Variants in NBPF26 observed in about 807,000 individuals in gnomAD.
NBPF26 encodes the protein NBPF member 26.
Under a neutral mutation model 119.6 loss-of-function variants are expected in NBPF26, and 79 were observed. The observed-to-expected ratio is 0.66, with a 90% CI of 0.55 to 0.80. The LOEUF is 0.80. Ranked by LOEUF, NBPF26 falls within the 30% of genes least tolerant of loss-of-function variation. NBPF26 has a pLI of 0.00. For synonymous variants in NBPF26, 299 were observed against 457.7 expected (o/e 0.65, Z 4.43); for missense variants, 800 against 1,198.2 (o/e 0.67, Z 4.91).
intron 2 of NBPF26, among the ~76,000 whole-genome samples, chr1:120,781,709 GCC>G (rs1651363406): frequency 1.2e-5 from 1 of 82,822 alleles, no homozygotes; most frequent in Non-Finnish European, 2.2e-5. Flanking sequence ...GACTACAGGC[GCC>G]TGCCACCACG....
In NBPF26 at chr1:120,765,895, C is replaced by T. The variant is rs1440455179; in HGVS notation, c.155+2186C>T. ...TAACACAGGAACAGAAAACCAAACACGGCATGTTCTCACTCATAAGTGGGA... is the reference window on the plus strand; with the variant it reads ...TAACACAGGAACAGAAAACCAAACATGGCATGTTCTCACTCATAAGTGGGA... On this transcript the variant is annotated intron_variant, in intron 2 of 29. Transcript: ENST00000620612. 6.5e-4 allele frequency among the ~76,000 whole-genome samples: 70 copies of T among 107,248 alleles called. 3 individuals carry two copies. Among genetic ancestry groups the T allele is most frequent in the Non-Finnish European group, 8.9e-4 (50 of 56,144 alleles). The allele number at this position is 107,248 out of a possible 152,430, so 70.4% of individuals were successfully genotyped here. A position where few individuals can be genotyped will look rare whatever the true frequency, so the allele number is the denominator to read the frequency against.
rs1651347235 is a variant in NBPF26, at chr1:120,780,152, A to G, written c.156-4822A>G. Among the ~76,000 whole-genome samples the G allele has an allele frequency of 6.9e-5, 8 of 115,980 alleles. 1 individual carries two copies. In the South Asian group the frequency reaches 1.6e-3, roughly 23 times the overall value. The allele number at this position is 115,980 out of a possible 152,430, so 76.1% of individuals were successfully genotyped here. On this transcript the variant is annotated intron_variant, in intron 2 of 29. Transcript: ENST00000620612. ...CTTAGTGGGGTTTAGGTACTCAGGT[A>G]TTCAGGGAACCTACACCAAGGGTTC...
In NBPF26 at chr1:120,790,577, T is replaced by G. The variant is rs1170726541; in HGVS notation, c.416-2584T>G. On this transcript the variant is annotated intron_variant, in intron 3 of 29. Coordinates refer to ENST00000620612, the Ensembl canonical transcript of NBPF26. ...CTTTCTTTCTTTCTTTCTTTCTTTC[T>G]TTCTTTCTTTCTTTCTCTTTCTCTC... Among the ~76,000 whole-genome samples the G allele has an allele frequency of 7.1e-4, 76 of 107,326 alleles. 11 individuals carry two copies. Among genetic ancestry groups the G allele is most frequent in the Middle Eastern group, 7.6e-3 (2 of 262 alleles). 70.4% of individuals were successfully genotyped at this position (107,326 alleles called of 152,430 possible).
intron 2 of NBPF26, among the ~76,000 whole-genome samples, chr1:120,779,690 G>T (rs1226737999): frequency 8.1e-6 from 1 of 122,708 alleles, no homozygotes; most frequent in Non-Finnish European, 1.7e-5. Context: ...TTATAGATAT[G>T]TAAGGGGTGT....
chr1:120,840,434 C>A lies in NBPF26; in HGVS notation c.4188C>A (p.Tyr1396Ter). The change falls in exon 30 of 30, where the codon TAC becomes TAA. Residue 1396 changes from tyrosine (Y) to a stop codon, truncating the protein, a stop_gained. Transcript: ENST00000620612. LOFTEE classifies it low-confidence loss of function (END_TRUNC). ...TATGTTATTCGACTCCGTCAATGTA[C>A]TTTGAACTACCTGACTCATTCCAGC... 2.7e-6 allele frequency: 4 copies of A among 1,473,748 alleles called. 1 individual carries two copies. Among genetic ancestry groups the A allele is most frequent in the Non-Finnish European group, 3.7e-6 (4 of 1,089,196 alleles). The allele number at this position is 1,473,748 out of a possible 1,614,324, so 91.3% of individuals were successfully genotyped here. A position where few individuals can be genotyped will look rare whatever the true frequency, so the allele number is the denominator to read the frequency against.
At position 120,815,487 on chromosome 1, in the gene NBPF26, C is replaced by T. The variant is rs1375052950; in HGVS notation, c.2092+444C>T. ...AATTGTCTCTTGCAAGTGTCTGAAG[C>T]ATTCAAATGTGGGAACACTTACAAC... On this transcript the variant is annotated intron_variant, in intron 12 of 29. Coordinates refer to ENST00000620612, the Ensembl canonical transcript of NBPF26. 2.1e-4 allele frequency among the ~76,000 whole-genome samples: 21 copies of T among 99,264 alleles called. 3 individuals are homozygous for T. In the South Asian group the frequency reaches 5.2e-3, roughly 25 times the overall value. 65.1% of individuals were successfully genotyped at this position (99,264 alleles called of 152,430 possible). A position where few individuals can be genotyped will look rare whatever the true frequency, so the allele number is the denominator to read the frequency against.
At chr1:120,779,341 A>G (rs1480673401) in intron 2 of NBPF26, among the ~76,000 whole-genome samples, 1 of 79,546 alleles carries the variant, frequency 1.3e-5, no homozygotes, top group Non-Finnish European at 2.3e-5. Context: ...AAAAAGTCAT[A>G]AATACATCTT....
rs1169379130 is a variant in NBPF26 at position 120,807,836 on chromosome 1, G to A, written c.1064+127G>A. 54 of 531,488 alleles carry A rather than the reference G, an allele frequency of 1.0e-4. 8 individuals are homozygous for A. The Middle Eastern group carries it at 2.9e-3, about 29-fold the overall frequency. The allele number at this position is 531,488 out of a possible 1,614,324, so 32.9% of individuals were successfully genotyped here. ...GGGCAGGAATTGCCATGGCAGGCTC[G>A]CTACACACAAATATTTATCAAACAG... On this transcript the variant is annotated intron_variant, in intron 6 of 29. Transcript: ENST00000620612.
At chr1:120,817,917 G>A (rs1652044482) in intron 14 of NBPF26, among the ~76,000 whole-genome samples, 1 of 115,732 alleles carries the variant, frequency 8.6e-6, no homozygotes, top group East Asian at 2.1e-4. Flanking sequence ...TCTACACATA[G>A]AGGGAGATTT....
intron 6 of NBPF26, among the ~76,000 whole-genome samples, 161 bp from the exon 7 acceptor site, chr1:120,808,384 T>C (rs1487744395): frequency 2.5e-5 from 3 of 118,404 alleles, no homozygotes. Flanking sequence ...TGTAAACCAT[T>C]TTCTATTCTT....
Position 120,802,604 on chromosome 1 carries a change from T to C in NBPF26, c.752-2952T>C, listed in dbSNP as rs1394043977. Among the ~76,000 whole-genome samples, 7 of 119,670 alleles carry C rather than the reference T, an allele frequency of 5.8e-5. 1 individual carries two copies. Among genetic ancestry groups the C allele is most frequent in the African/African-American group, 2.8e-4 (6 of 21,776 alleles). The allele number at this position is 119,670 out of a possible 152,430, so 78.5% of individuals were successfully genotyped here. A position where few individuals can be genotyped will look rare whatever the true frequency, so the allele number is the denominator to read the frequency against. On this transcript the variant is annotated intron_variant, in intron 4 of 29. Transcript: ENST00000620612. ...TGAATATAAATTAAGTTTACCTCTT[T>C]TTGCACAGCAACATGGCCAATCTTT...
chr1:120,802,899 T>A (rs1651598505), intron 4 of NBPF26, among the ~76,000 whole-genome samples: 1 of 87,770 alleles, frequency 1.1e-5, no homozygotes, highest in African/African-American at 7.7e-5. Context: ...AGCTGCTCAC[T>A]CTACAGTGTG....
rs1169320155 is a variant in NBPF26, at chr1:120,822,971, A to G, written c.2588-338A>G. Among the ~76,000 whole-genome samples the G allele has an allele frequency of 2.4e-5, 3 of 126,368 alleles. 1 individual carries two copies. The highest frequency in any genetic ancestry group is 4.9e-5 in the Non-Finnish European group (3 of 61,774). 82.9% of individuals were successfully genotyped at this position (126,368 alleles called of 152,430 possible). On this transcript the variant is annotated intron_variant, in intron 16 of 29. Transcript: ENST00000620612. Reference sequence around the variant, plus strand: ...TATCAAATTCTGGGTATTTAATGAGAAAAGCCTAATATTGAAGTATCTCTC... The same window carrying G: ...TATCAAATTCTGGGTATTTAATGAGGAAAGCCTAATATTGAAGTATCTCTC...
Position 120,767,633 on chromosome 1 carries a change from C to T in NBPF26, c.155+3924C>T, listed in dbSNP as rs1311818263. 1.6e-4 allele frequency among the ~76,000 whole-genome samples: 15 copies of T among 92,042 alleles called. No individual in the cohort carries two copies. The East Asian group carries it at 3.5e-3, about 21-fold the overall frequency. The allele number at this position is 92,042 out of a possible 152,430, so 60.4% of individuals were successfully genotyped here. A position where few individuals can be genotyped will look rare whatever the true frequency, so the allele number is the denominator to read the frequency against. ...AACTACTGTCAAATCTTAATAAAGCCCTCTCACTACAGGGAGATAAGATAT... is the reference window on the plus strand; with the variant it reads ...AACTACTGTCAAATCTTAATAAAGCTCTCTCACTACAGGGAGATAAGATAT... On this transcript the variant is annotated intron_variant, in intron 2 of 29. Coordinates refer to ENST00000620612, the Ensembl canonical transcript of NBPF26.
intron 3 of NBPF26, among the ~76,000 whole-genome samples, 160 bp from the exon 4 acceptor site, chr1:120,792,999 CTG>C (rs1651510083): frequency 1.1e-5 from 1 of 92,264 alleles, no homozygotes; most frequent in African/African-American, 7.7e-5. Context: ...GGAGAGGGCT[CTG>C]TGTCAGATTA....
At position 120,811,961 on chromosome 1, in the gene NBPF26, C is replaced by T. The variant is rs1417808411; in HGVS notation, c.1640C>T (p.Ala547Val). 2.1e-5 allele frequency: 26 copies of T among 1,235,572 alleles called. 6 individuals are homozygous for T. Among genetic ancestry groups the T allele is most frequent in the East Asian group, 9.4e-5 (4 of 42,434 alleles). The allele number at this position is 1,235,572 out of a possible 1,614,324, so 76.5% of individuals were successfully genotyped here. ...GGCCCTTTGTCCGGCGAGAAGGCAG[C>T]GATAAACATTCTAGAAATCAATGAG... Residue 547 changes from alanine (A) to valine (V), a missense_variant, in exon 10 of 30, where the codon GCG (alanine) becomes GTG (valine). By Grantham distance (64) the Ala-to-Val change is moderately conservative (BLOSUM62 0). Transcript: ENST00000620612.
intron 3 of NBPF26, among the ~76,000 whole-genome samples, chr1:120,787,277 A>G: frequency 1.4e-5 from 1 of 69,694 alleles, no homozygotes. Context: ...CTGCAGGCTG[A>G]GGAGCAAGGA....
Position 120,814,852 on chromosome 1 carries a change from C to A in NBPF26, c.1901C>A (p.Ala634Asp), listed in dbSNP as rs1432026115. ...AGGCAATATAAAGTCCTGGTTCACGCTCAGGAACGAGAGCTGACCCAGTTA... is the reference window on the plus strand; with the variant it reads ...AGGCAATATAAAGTCCTGGTTCACGATCAGGAACGAGAGCTGACCCAGTTA... Residue 634 changes from alanine (A) to aspartate (D), a missense_variant, in exon 12 of 30, where the codon GCT becomes GAT. Transcript: ENST00000620612. 2.4e-4 allele frequency: 299 copies of A among 1,260,908 alleles called. 62 individuals carry two copies. In the South Asian group the frequency reaches 3.5e-3, roughly 15 times the overall value. 78.1% of individuals were successfully genotyped at this position (1,260,908 alleles called of 1,614,324 possible). A position where few individuals can be genotyped will look rare whatever the true frequency, so the allele number is the denominator to read the frequency against.
rs1168476687 is a variant in NBPF26, at chr1:120,767,912, T to C, written c.155+4203T>C. 4.1e-3 allele frequency among the ~76,000 whole-genome samples: 483 copies of C among 117,832 alleles called. 113 individuals are homozygous for C. Among genetic ancestry groups the C allele is most frequent in the Non-Finnish European group, 6.0e-3 (366 of 61,238 alleles). 77.3% of individuals were successfully genotyped at this position (117,832 alleles called of 152,430 possible). ...ATTTAAAATCTTTGTCTGCTGGTTC[T>C]TAACAACTGGGTTGTCTATGGATGT... On this transcript the variant is annotated intron_variant, in intron 2 of 29. Transcript: ENST00000620612.
Sources: allele counts gnomAD v4.1 joint callset (sites outside exome capture counted in the v4.1 genomes callset), GRCh38; gene constraint gnomAD v4.1.1; transcripts MANE v1.5; gene names NCBI Gene and HGNC (gene_info 2026-07-23, HGNC 2026-07-21).